Variants in U2AF1L4 observed in about 807,000 individuals in gnomAD.
The protein encoded by U2AF1L4 is splicing factor U2AF 26 kDa subunit.
U2AF1L4 carries 21 observed loss-of-function variants against 21.7 expected under a neutral mutation model. The ratio of observed to expected loss-of-function variants is 0.97; its 90% CI spans 0.69 to 1.39. U2AF1L4 has a LOEUF of 1.39. Among genes scored for constraint, U2AF1L4 ranks in the 40% most tolerant of loss-of-function variants. The pLI is 0.00. For missense variants in U2AF1L4, 259 were observed against 245.7 expected (o/e 1.05, Z -0.36); for synonymous variants, 92 against 89.7 (o/e 1.03, Z -0.15).
In U2AF1L4 at chr19:35,745,368, T is replaced by C. The variant is rs1459332046; in HGVS notation, c.24A>G (p.Ile8Met). The C allele has an allele frequency of 6.2e-7, 1 of 1,609,484 alleles. No homozygotes were observed. Among genetic ancestry groups the C allele is most frequent in the Non-Finnish European group, 8.5e-7 (1 of 1,177,484 alleles). The change falls in exon 1 of 6, where the codon ATA (isoleucine) becomes ATG (methionine). Residue 8 changes from isoleucine (I) to methionine (M), a missense_variant. Transcript: ENST00000378975. MAEYLAS[I>M]FGTEKDKVNC... ...CTCACTTGTCCTTCTCAGTCCCGAA[T>C]ATCGAAGCTAAATATTCAGCCATTT...
intron 5 of U2AF1L4, 84 bp downstream of exon 5, chr19:35,743,725 G>C: frequency 9.3e-7 from 1 of 1,071,040 alleles, no homozygotes; most frequent in Non-Finnish European, 1.4e-6. Context: ...TGGGAACGTG[G>C]TTACTGGGGC....
chr19:35,745,156 G>T lies in U2AF1L4; in HGVS notation c.101C>A (p.Ser34Tyr). Residue 34 changes from serine (S) to tyrosine (Y), a missense_variant, in exon 2 of 6, where the codon TCC becomes TAC. Coordinates refer to ENST00000378975, the MANE Select transcript of U2AF1L4 (RefSeq NM_001040425.3). ...IGVCRHGDRC[S>Y]RLHNKPTFSQ... ...GAATGTCGGCTTGTTGTGAAGCCGG[G>T]AGCACCGGTCCCCGTGCCGGCAGAC... 1 of 1,613,548 alleles carries T rather than the reference G, an allele frequency of 6.2e-7. No individual in the cohort carries two copies.
chr19:35,743,225 T>C, intron 5 of U2AF1L4: 1 of 277,254 alleles, frequency 3.6e-6, no homozygotes, highest in Non-Finnish European at 7.0e-6. Flanking sequence ...ATACAAAAAT[T>C]AGCCAGGCAT....
chr19:35,743,703 A>G, intron 5 of U2AF1L4, 106 bp downstream of exon 5: 3 of 975,542 alleles, frequency 3.1e-6, no homozygotes, highest in Non-Finnish European at 4.6e-6. Context: ...AAAAAAAAAA[A>G]AAAAAGATTC....
Position 35,743,373 on chromosome 19 carries a change from C to CAA in U2AF1L4, c.461+434_461+435dup, listed in dbSNP as rs536755635. 2.0e-3 allele frequency: 153 copies of CAA among 78,264 alleles called. 6 individuals carry two copies. The highest frequency in any genetic ancestry group is 2.9e-3 in the Non-Finnish European group (117 of 40,442). The allele number at this position is 78,264 out of a possible 1,614,324, so 4.8% of individuals were successfully genotyped here. A position where few individuals can be genotyped will look rare whatever the true frequency, so the allele number is the denominator to read the frequency against. ...GCGGAAGAAGAGCAAAACTCCGTCT[C>CAA]AAAAAAAAAAAAAAAAAAAAAAAAA... On this transcript the variant is annotated intron_variant, in intron 5 of 5. Coordinates refer to ENST00000378975, the MANE Select transcript of U2AF1L4 (RefSeq NM_001040425.3).
Position 35,744,163 on chromosome 19 carries a change from C to T in U2AF1L4, c.232-18G>A. 6.2e-7 allele frequency: 1 copy of T among 1,612,430 alleles called. No individual in the cohort carries two copies. The highest frequency in any genetic ancestry group is 1.3e-5 in the African/African-American group (1 of 75,024). ...CTCCGGAACTGCAGGAAATGTCAGT[C>T]AGGGTCAGCAGGAGAACTCAGAGAT... On this transcript the variant is annotated intron_variant, in intron 3 of 5. Coordinates refer to ENST00000378975, the MANE Select transcript of U2AF1L4 (RefSeq NM_001040425.3).
chr19:35,742,587 T>G lies in U2AF1L4; in HGVS notation c.*132A>C, dbSNP rs760478600. The stretch of plus-strand genomic sequence containing the variant: ...CAGGGGCGGTAGAAGAAGGTCTCCA[T>G]GCTGAACAGATTACATTATGGAGCC... On this transcript the variant is annotated 3_prime_UTR_variant, in exon 6 of 6. Coordinates refer to ENST00000378975, the MANE Select transcript of U2AF1L4 (RefSeq NM_001040425.3). 3 of 1,613,752 alleles carry G rather than the reference T, an allele frequency of 1.9e-6. No individual in the cohort carries two copies. Among genetic ancestry groups the G allele is most frequent in the African/African-American group, 2.7e-5 (2 of 74,912 alleles).
In U2AF1L4 at chr19:35,742,725, G is replaced by T. The variant is rs1161789612; in HGVS notation, c.540C>A (p.Arg180=). 1 of 1,610,718 alleles carries T rather than the reference G, an allele frequency of 6.2e-7. No homozygotes were observed. The highest frequency in any genetic ancestry group is 1.7e-5 in the Admixed American group (1 of 59,106). The change falls in exon 6 of 6, where the codon CGC becomes CGA. Residue 180 remains arginine (R), a synonymous_variant. Transcript: ENST00000378975. ...GGGTAAGGGGGCCAGGGCCTCAGAA[G>T]CGGCCATGCCAGTGATCAGGGGAAC... ...HRCSPDHWHG[R]F is the part of the protein sequence containing the mutation.
chr19:35,745,070 A>T, intron 2 of U2AF1L4, 55 bp downstream of exon 2: 2 of 1,545,938 alleles, frequency 1.3e-6, no homozygotes, highest in East Asian at 4.5e-5. Flanking sequence ...CGACGGCCCC[A>T]GAAGGGGAAG....
At chr19:35,744,875 C>A (rs986209864) in intron 2 of U2AF1L4, 9 of 787,178 alleles carry the variant, frequency 1.1e-5, no homozygotes, top group Non-Finnish European at 1.8e-5. Flanking sequence ...GGATGAACAG[C>A]GGGATGGAAG....
At chr19:35,744,576 A>G in intron 2 of U2AF1L4, 155 bp from the exon 3 acceptor site, 1 of 1,548,760 alleles carries the variant, frequency 6.5e-7, no homozygotes. Flanking sequence ...ATCAGAGTGT[A>G]GCCTACTGGG....
rs1023206650 is a variant in U2AF1L4 at position 35,743,087 on chromosome 19, G to A, written c.462-284C>T. On this transcript the variant is annotated intron_variant, in intron 5 of 5. Coordinates refer to ENST00000378975, the MANE Select transcript of U2AF1L4 (RefSeq NM_001040425.3). ...TACTCTTAGGGTATAAGAGTCTTGGGAATGACCGGGCGCAGTGGTTCACGC... is the reference window on the plus strand; with the variant it reads ...TACTCTTAGGGTATAAGAGTCTTGGAAATGACCGGGCGCAGTGGTTCACGC... The A allele has an allele frequency of 1.4e-5, 7 of 495,806 alleles. No individual in the cohort carries two copies. The East Asian group carries it at 2.3e-4, about 17-fold the overall frequency. 30.7% of individuals were successfully genotyped at this position (495,806 alleles called of 1,614,324 possible). A position where few individuals can be genotyped will look rare whatever the true frequency, so the allele number is the denominator to read the frequency against.
intron 5 of U2AF1L4, chr19:35,743,411 C>T: frequency 4.5e-6 from 1 of 224,430 alleles, no homozygotes; most frequent in Non-Finnish European, 8.8e-6. Context: ...AAACAGTCAG[C>T]CGGGAGTGGT....
intron 5 of U2AF1L4, 94 bp from the exon 6 acceptor site, chr19:35,742,897 G>A: frequency 8.3e-7 from 1 of 1,201,034 alleles, no homozygotes; most frequent in Non-Finnish European, 1.2e-6. Flanking sequence ...TGAGGCAGGA[G>A]GGTGCTGAAA....
In U2AF1L4 at chr19:35,744,499, A is replaced by G; in HGVS notation, c.133-78T>C. On this transcript the variant is annotated intron_variant, in intron 2 of 5. Transcript: ENST00000378975. ...CCCCTACCAACCCTCACCTCGAAGA[A>G]GCTATCATAGTGCTCCTGCACCTCC... 4 of 1,611,458 alleles carry G rather than the reference A, an allele frequency of 2.5e-6. No individual in the cohort carries two copies. In the South Asian group the frequency reaches 4.4e-5, roughly 18 times the overall value.
intron 2 of U2AF1L4, 21 bp from the exon 3 acceptor site, chr19:35,744,442 C>T (rs1310241722): frequency 8.7e-6 from 14 of 1,614,102 alleles, no homozygotes; most frequent in Non-Finnish European, 1.2e-5. Flanking sequence ...CGGGGAGGAA[C>T]TCAGCTGAGC....
chr19:35,745,037 C>T (rs1316992454), intron 2 of U2AF1L4, 88 bp downstream of exon 2: 1 of 1,356,006 alleles, frequency 7.4e-7, no homozygotes, highest in Non-Finnish European at 1.0e-6. Flanking sequence ...ACTCAGGAAC[C>T]CGGAATAGGC....
chr19:35,745,131 G>A lies in U2AF1L4; in HGVS notation c.126C>T (p.Phe42=), dbSNP rs746362128. ...RCSRLHNKPT[F]SQEVFTELQE... is the part of the protein sequence containing the mutation. ...GCTCCGTGCCGGGTCTCACCTGGCT[G>A]AATGTCGGCTTGTTGTGAAGCCGGG... Residue 42 remains phenylalanine (F), a synonymous_variant, in exon 2 of 6, where the codon TTC becomes TTT. Coordinates refer to ENST00000378975, the MANE Select transcript of U2AF1L4 (RefSeq NM_001040425.3). The A allele has an allele frequency of 2.5e-5, 40 of 1,613,164 alleles. No homozygotes were observed. The Admixed American group carries it at 5.3e-4, about 22-fold the overall frequency.
chr19:35,744,445 A>G (rs754520168), intron 2 of U2AF1L4, 24 bp from the exon 3 acceptor site: 2 of 1,613,914 alleles, frequency 1.2e-6, no homozygotes, highest in African/African-American at 1.3e-5. Flanking sequence ...GGAGGAACTC[A>G]GCTGAGCTCC....
Sources: allele counts gnomAD v4.1 joint callset, GRCh38; gene constraint gnomAD v4.1.1; transcripts MANE v1.5; gene names NCBI Gene and HGNC (gene_info 2026-07-23, HGNC 2026-07-21).